IL18R1: variants seen among roughly 807,000 people sequenced by gnomAD.
IL18R1 encodes the protein interleukin 18 receptor 1.
In IL18R1, 40 loss-of-function variants were observed where a neutral mutation model predicts 48.5. That is an observed-to-expected ratio of 0.82 (90% CI 0.64 to 1.07). The LOEUF is 1.07. IL18R1 is among the 50% of genes least tolerant of loss of function. The pLI is 0.00. For missense variants in IL18R1, 596 were observed against 633.7 expected (o/e 0.94, Z 0.64); for synonymous variants, 232 against 225.9 (o/e 1.03, Z -0.24).
At chr2:102,358,450 CT>C (rs974096676) in intron 1 of IL18R1, among the ~76,000 whole-genome samples, 1 of 152,076 alleles carries the variant, frequency 6.6e-6, no homozygotes, top group African/African-American at 2.4e-5. Context: ...AACTTCATGC[CT>C]TTGGGTGATT....
chr2:102,393,880 G>C (rs1680677837), intron 9 of IL18R1, among the ~76,000 whole-genome samples: 1 of 152,038 alleles, frequency 6.6e-6, no homozygotes, highest in African/African-American at 2.4e-5. Context: ...TGTGAGTTTT[G>C]TTATTCTTTT....
At chr2:102,367,161 C>G (rs1678953930) in intron 2 of IL18R1, among the ~76,000 whole-genome samples, 1 of 152,072 alleles carries the variant, frequency 6.6e-6, no homozygotes, top group African/African-American at 2.4e-5. Context: ...TTTCCAAAGC[C>G]AGAGAATCTG....
In IL18R1 at chr2:102,389,806, C is replaced by T. The variant is rs56143638; in HGVS notation, c.950-250C>T. Among the ~76,000 whole-genome samples, 333 of 152,310 alleles carry T rather than the reference C, an allele frequency of 2.2e-3. 1 individual carries two copies. Among genetic ancestry groups the T allele is most frequent in the Non-Finnish European group, 3.4e-3 (230 of 68,020 alleles). On this transcript the variant is annotated intron_variant, in intron 8 of 10. Transcript: ENST00000233957. Reference sequence around the variant, plus strand: ...CCACGGGTACGGATAGAATACATTACTGTGTAATGTTTTCACTTCAGTTCT... The same window carrying T: ...CCACGGGTACGGATAGAATACATTATTGTGTAATGTTTTCACTTCAGTTCT...
rs371466872 is a variant in IL18R1 at position 102,390,267 on chromosome 2, T to G, written c.1111+50T>G. On this transcript the variant is annotated intron_variant, in intron 9 of 10. Transcript: ENST00000233957. ...CTTACCTTATGTTCTCATTAAGAAA[T>G]CAGATAAATAGGCATTAATCTTCAT... 8 of 1,514,310 alleles carry G rather than the reference T, an allele frequency of 5.3e-6. No individual in the cohort carries two copies. The African/African-American group carries it at 9.6e-5, about 18-fold the overall frequency. The allele number at this position is 1,514,310 out of a possible 1,614,324, so 93.8% of individuals were successfully genotyped here. A position where few individuals can be genotyped will look rare whatever the true frequency, so the allele number is the denominator to read the frequency against.
At chr2:102,395,743 G>C (rs897403954) in intron 10 of IL18R1, among the ~76,000 whole-genome samples, 26 of 152,204 alleles carry the variant, frequency 1.7e-4, no homozygotes, top group African/African-American at 6.0e-4. Context: ...AATAATGTTT[G>C]AATATTCAGC....
intron 7 of IL18R1, among the ~76,000 whole-genome samples, chr2:102,385,569 A>G (rs1002119542): frequency 6.6e-6 from 1 of 152,226 alleles, no homozygotes; most frequent in Non-Finnish European, 1.5e-5. Flanking sequence ...GGGTCTAGTG[A>G]GTGCTGAGCC....
chr2:102,386,822 G>T lies in IL18R1; in HGVS notation c.810-39G>T. 5 of 1,609,642 alleles carry T rather than the reference G, an allele frequency of 3.1e-6. No homozygotes were observed. The South Asian group carries it at 3.3e-5, about 11-fold the overall frequency. Reference sequence around the variant, plus strand: ...TGTGAATTCCCCTCTCAAGGGTAACGAACAGAGCCTACTGCTAAATTATTT... The same window carrying T: ...TGTGAATTCCCCTCTCAAGGGTAACTAACAGAGCCTACTGCTAAATTATTT... On this transcript the variant is annotated intron_variant, in intron 7 of 10. Transcript: ENST00000233957.
intron 4 of IL18R1, among the ~76,000 whole-genome samples, chr2:102,375,574 T>A (rs1389359416): frequency 6.6e-6 from 1 of 152,210 alleles, no homozygotes; most frequent in East Asian, 1.9e-4. Flanking sequence ...TAGTGTTCTC[T>A]CTCTCTCTCT....
rs1680923046 is a variant in IL18R1 at position 102,398,295 on chromosome 2, CAAG to C, written c.*1412_*1414del. On this transcript the variant is annotated 3_prime_UTR_variant, in exon 11 of 11. Transcript: ENST00000233957. Reference sequence around the variant, plus strand: ...GATGATCTCAAAAATAATAGCTATTCAAGAAAATCACCAAGTGACTGTGAAACC... The same window carrying C: ...GATGATCTCAAAAATAATAGCTATTCAAAATCACCAAGTGACTGTGAAACC... The C allele has an allele frequency of 6.6e-6, 1 of 152,308 alleles. No individual in the cohort carries two copies. The highest frequency in any genetic ancestry group is 1.5e-5 in the Non-Finnish European group (1 of 68,030). The allele number at this position is 152,308 out of a possible 1,614,324, so 9.4% of individuals were successfully genotyped here. A position where few individuals can be genotyped will look rare whatever the true frequency, so the allele number is the denominator to read the frequency against.
rs1050106342 is a variant in IL18R1, at chr2:102,372,607, T to C, written c.468+489T>C. On this transcript the variant is annotated intron_variant, in intron 4 of 10. Transcript: ENST00000233957. Reference sequence around the variant, plus strand: ...TCATAAATCCATCACAGACTTTTTTTTTCTGTGAAGCATCTGCTTTTTAAA... The same window carrying C: ...TCATAAATCCATCACAGACTTTTTTCTTCTGTGAAGCATCTGCTTTTTAAA... Among the ~76,000 whole-genome samples the C allele has an allele frequency of 7.9e-5, 12 of 152,032 alleles. No individual in the cohort carries two copies. In the East Asian group the frequency reaches 2.3e-3, roughly 29 times the overall value.
chr2:102,370,092 A>T lies in IL18R1; in HGVS notation c.303-1861A>T, dbSNP rs75183513. 3.0e-3 allele frequency among the ~76,000 whole-genome samples: 458 copies of T among 152,276 alleles called. 3 individuals carry two copies. The East Asian group carries it at 0.032, about 11-fold the overall frequency. On this transcript the variant is annotated intron_variant, in intron 3 of 10. Transcript: ENST00000233957. ...AAAATGAGTGGTTTTCATAACCAGG[A>T]TGGGCTGGGCCTGCAGCAGGAAAGT...
Position 102,396,574 on chromosome 2 carries a change from A to G in IL18R1, c.1314A>G (p.Arg438=), listed in dbSNP as rs199646774. 2.5e-6 allele frequency: 4 copies of G among 1,611,330 alleles called. No individual in the cohort carries two copies. The African/African-American group carries it at 5.3e-5, about 22-fold the overall frequency. ...EIHSLIEKSR[R]LIIVLSKSYM... is the part of the protein sequence containing the mutation. ...ACTCACTGATAGAGAAAAGCCGAAG[A>G]CTAATCATTGTCCTAAGTAAAAGTT... The change falls in exon 11 of 11, where the codon AGA becomes AGG. Residue 438 remains arginine (R), a synonymous_variant. Coordinates refer to ENST00000233957, the MANE Select transcript of IL18R1 (RefSeq NM_003855.5).
At chr2:102,375,246 G>A (rs981386489) in intron 4 of IL18R1, among the ~76,000 whole-genome samples, 1 of 152,190 alleles carries the variant, frequency 6.6e-6, no homozygotes, top group Non-Finnish European at 1.5e-5. Context: ...CTACCTCTGG[G>A]TGTCAGATGT....
At position 102,397,417 on chromosome 2, in the gene IL18R1, GGCCTCA is replaced by G. The variant is rs1558622831; in HGVS notation, c.*539_*544del. The G allele has an allele frequency of 1.3e-5, 2 of 153,068 alleles. No individual in the cohort carries two copies. The highest frequency in any genetic ancestry group is 4.8e-5 in the African/African-American group (2 of 41,450). The allele number at this position is 153,068 out of a possible 1,614,324, so 9.5% of individuals were successfully genotyped here. On this transcript the variant is annotated 3_prime_UTR_variant, in exon 11 of 11. Transcript: ENST00000233957. ...GCAGGGCCGCCTTCAGAGGCTGCAG[GGCCTCA>G]GCCTCAGGATGCATTTAATGTATCC...
At chr2:102,359,052 C>T (rs757105071) in intron 1 of IL18R1, among the ~76,000 whole-genome samples, 1 of 152,032 alleles carries the variant, frequency 6.6e-6, no homozygotes, top group Non-Finnish European at 1.5e-5. Context: ...TGTGCATGTG[C>T]ATGTTTGCAT....
At chr2:102,381,866 G>A (rs1375668760) in intron 6 of IL18R1, among the ~76,000 whole-genome samples, 184 bp downstream of exon 6, 18 of 152,034 alleles carry the variant, frequency 1.2e-4, no homozygotes, top group Admixed American at 1.2e-3. Flanking sequence ...TGACTTAAAA[G>A]TGGCAACATT....
Position 102,356,397 on chromosome 2 carries a change from G to C in IL18R1, c.-32G>C. ...GCCCCAGCCTCGGGGACGCCTCTCT[G>C]AAGGTAAGGGTGGGCTCCGCTGCCA... On this transcript the variant is annotated 5_prime_UTR_variant, in exon 1 of 11. Transcript: ENST00000233957. 6 of 982,202 alleles carry C rather than the reference G, an allele frequency of 6.1e-6. No homozygotes were observed. The highest frequency in any genetic ancestry group is 7.3e-6 in the Non-Finnish European group (6 of 827,164). 60.8% of individuals were successfully genotyped at this position (982,202 alleles called of 1,614,324 possible). A position where few individuals can be genotyped will look rare whatever the true frequency, so the allele number is the denominator to read the frequency against.
At chr2:102,370,999 T>A (rs6543124) in intron 3 of IL18R1, among the ~76,000 whole-genome samples, 65,229 of 151,778 alleles carry the variant, frequency 0.43, 15,752 homozygotes, top group African/African-American at 0.64. Context: ...CTCTTTAAAA[T>A]CTTCATTTAA....
intron 1 of IL18R1, among the ~76,000 whole-genome samples, chr2:102,358,383 A>T (rs1487626792): frequency 6.6e-6 from 1 of 151,820 alleles, no homozygotes; most frequent in Non-Finnish European, 1.5e-5. Flanking sequence ...CTTGGAACTG[A>T]CCTTAAGCCT....
Sources: gnomAD v4.1 joint callset for allele counts (sites outside exome capture counted in the v4.1 genomes callset) on GRCh38, gnomAD v4.1.1 for gene constraint, MANE v1.5 for transcripts, NCBI Gene and HGNC (gene_info 2026-07-23, HGNC 2026-07-21) for gene names.